The following GFPT2 variants were observed in gnomAD, a reference collection of about 807,000 sequenced individuals.
GFPT2 encodes the protein glutamine--fructose-6-phosphate aminotransferase [isomerizing] 2.
In GFPT2, 62 loss-of-function variants were observed where a neutral mutation model predicts 85.6. The observed-to-expected ratio is 0.72, with a 90% CI of 0.59 to 0.90. The LOEUF (loss-of-function observed/expected upper bound fraction) is 0.90, where lower values mean the gene tolerates loss of function less well. Among genes scored for constraint, GFPT2 ranks in the 40% least tolerant of loss-of-function variants. GFPT2 has a pLI of 0.00. For missense variants in GFPT2, 788 were observed against 893.4 expected, an observed-to-expected ratio of 0.88 and a Z score of 1.50; for synonymous variants, 368 against 344.5, an observed-to-expected ratio of 1.07 and a Z score of -0.75.
rs1318912610 is a variant in GFPT2 at position 180,318,669 on chromosome 5, C to T, written c.958+124G>A. The T allele has an allele frequency of 2.2e-5, 18 of 808,214 alleles. No individual in the cohort carries two copies. Among genetic ancestry groups the T allele is most frequent in the Non-Finnish European group, 3.0e-5 (15 of 503,524 alleles). 50.1% of individuals were successfully genotyped at this position (808,214 alleles called of 1,614,324 possible). On this transcript the variant is annotated intron_variant, in intron 10 of 18. Transcript: ENST00000253778. The surrounding 1 kb of genome is among the most constrained non-coding windows in gnomAD (Gnocchi z 4.2). Reference sequence around the variant, plus strand: ...GCAAGCCACAGGCTACCTGCAGCCCCGCCCTGGTGGCCACAGAGGGCAGGA... The same window carrying T: ...GCAAGCCACAGGCTACCTGCAGCCCTGCCCTGGTGGCCACAGAGGGCAGGA...
chr5:180,322,736 T>TAA (rs531478659), intron 9 of GFPT2, among the ~76,000 whole-genome samples: 2 of 151,868 alleles, frequency 1.3e-5, no homozygotes, highest in African/African-American at 2.4e-5. Context: ...GCCTTTTTTT[T>TAA]AAAAAAAAAG....
At position 180,304,834 on chromosome 5, in the gene GFPT2, T is replaced by G; in HGVS notation, c.1780A>C (p.Ile594Leu). 6.2e-7 allele frequency: 1 copy of G among 1,614,100 alleles called. No individual in the cohort carries two copies. The highest frequency in any genetic ancestry group is 8.5e-7 in the Non-Finnish European group (1 of 1,179,934). Residue 594 changes from isoleucine to leucine, a missense_variant, in exon 17 of 19, where the codon ATT becomes CTT. Transcript: ENST00000253778. Reference protein sequence around the residue: ...IDKQMPVIMVIMKDPCFAKCQ... With the variant: ...IDKQMPVIMVLMKDPCFAKCQ... ...TTGGCGAAGCAAGGATCCTTCATAA[T>G]GACCATGATGACGGGCATCTGCTTG...
intron 1 of GFPT2, among the ~76,000 whole-genome samples, chr5:180,351,200 C>T (rs919375874): frequency 2.6e-5 from 4 of 152,210 alleles, no homozygotes; most frequent in African/African-American, 9.7e-5. Context: ...CCATCATCCC[C>T]CCCAAACAGA....
rs745678250 is a variant in GFPT2, at chr5:180,307,231, G to A, written c.1619C>T (p.Ser540Leu). 11 of 1,612,908 alleles carry A rather than the reference G, an allele frequency of 6.8e-6. No individual in the cohort carries two copies. Among genetic ancestry groups the A allele is most frequent in the South Asian group, 2.2e-5 (2 of 90,830 alleles). Reference protein sequence around the residue: ...DLALELYTQRSLLVMGRGYNY... With the variant: ...DLALELYTQRLLLVMGRGYNY... ...GTAGCCCCGCCCCATCACCAGCAGC[G>A]ATCTCTGCGTGTAGAGCTCCAGGGC... The change falls in exon 16 of 19, where the codon TCG becomes TTG. Residue 540 changes from serine (S) to leucine (L), a missense_variant. Transcript: ENST00000253778.
intron 7 of GFPT2, among the ~76,000 whole-genome samples, chr5:180,325,531 G>C (rs1413407813): frequency 6.6e-6 from 1 of 152,218 alleles, no homozygotes; most frequent in Non-Finnish European, 1.5e-5. Context: ...ATCATAAAGA[G>C]GACAATAACT....
chr5:180,311,536 C>G (rs1438883665), intron 15 of GFPT2, among the ~76,000 whole-genome samples: 1 of 152,194 alleles, frequency 6.6e-6, no homozygotes, highest in African/African-American at 2.4e-5. Flanking sequence ...TGCCAAGGAG[C>G]GCCTGGCATA....
At chr5:180,331,189 C>T (rs563497311) in intron 5 of GFPT2, among the ~76,000 whole-genome samples, 58 of 152,340 alleles carry the variant, frequency 3.8e-4, no homozygotes, top group African/African-American at 5.3e-4. Context: ...GTCCCAACTC[C>T]GCCGGTATAC....
chr5:180,332,500 T>C (rs1381871282), intron 4 of GFPT2, among the ~76,000 whole-genome samples: 1 of 152,174 alleles, frequency 6.6e-6, no homozygotes, highest in Non-Finnish European at 1.5e-5. Context: ...TTGACTATTT[T>C]TTTCAAAGCA....
chr5:180,340,068 G>A (rs983431141), intron 1 of GFPT2, among the ~76,000 whole-genome samples: 40 of 152,308 alleles, frequency 2.6e-4, no homozygotes, highest in African/African-American at 8.9e-4. Flanking sequence ...TCTGGAGGCC[G>A]AGAAGTCCAA....
At chr5:180,343,400 A>T (rs1764556613) in intron 1 of GFPT2, among the ~76,000 whole-genome samples, 1 of 152,194 alleles carries the variant, frequency 6.6e-6, no homozygotes, top group African/African-American at 2.4e-5. Context: ...CTGTGTCCGT[A>T]CCCAGCCAGG....
chr5:180,306,187 G>C (rs1763774077), intron 16 of GFPT2, among the ~76,000 whole-genome samples: 1 of 152,056 alleles, frequency 6.6e-6, no homozygotes, highest in Non-Finnish European at 1.5e-5. Flanking sequence ...CTTTTACCAT[G>C]TTGTCCAGGC....
At chr5:180,341,957 T>C (rs1764524887) in intron 1 of GFPT2, among the ~76,000 whole-genome samples, 1 of 152,224 alleles carries the variant, frequency 6.6e-6, no homozygotes, top group Non-Finnish European at 1.5e-5. Context: ...AAATCTCATC[T>C]TGAATTGCAG....
chr5:180,317,737 C>T (rs1321364574), intron 10 of GFPT2, among the ~76,000 whole-genome samples: 7 of 86,014 alleles, frequency 8.1e-5, no homozygotes, highest in Admixed American at 1.4e-4. Context: ...CCAGCCTGGG[C>T]GACAGAGCAA....
At chr5:180,343,332 C>T (rs928604390) in intron 1 of GFPT2, among the ~76,000 whole-genome samples, 3 of 152,226 alleles carry the variant, frequency 2.0e-5, no homozygotes, top group South Asian at 4.1e-4. Flanking sequence ...TTCAGACCCA[C>T]GACAGCCTCC....
At chr5:180,302,062 A>G (rs7704535) in intron 18 of GFPT2, among the ~76,000 whole-genome samples, 21,664 of 80,274 alleles carry the variant, frequency 0.27, 3,928 homozygotes, top group East Asian at 0.51. Flanking sequence ...AGGCTGAGGC[A>G]GGTGGATCAC....
intron 2 of GFPT2, among the ~76,000 whole-genome samples, chr5:180,338,098 CTGAG>C (rs1164916866): frequency 6.6e-6 from 1 of 152,130 alleles, no homozygotes; most frequent in African/African-American, 2.4e-5. Context: ...GCACTCCAGC[CTGAG>C]TAACAAAAAT....
At chr5:180,340,309 C>T (rs568245958) in intron 1 of GFPT2, among the ~76,000 whole-genome samples, 5 of 151,930 alleles carry the variant, frequency 3.3e-5, no homozygotes, top group Non-Finnish European at 5.9e-5. Context: ...CGGGTTCAAG[C>T]GATTCTCTTG....
At position 180,320,194 on chromosome 5, in the gene GFPT2, G is replaced by A. The variant is rs1055931579; in HGVS notation, c.795-1238C>T. 1.6e-4 allele frequency among the ~76,000 whole-genome samples: 24 copies of A among 151,928 alleles called. No individual in the cohort carries two copies. The East Asian group carries it at 3.1e-3, about 20-fold the overall frequency. The stretch of plus-strand genomic sequence containing the variant: ...TTTTTAGGAGAGACGGGGTTTCACC[G>A]TGTTAGCCAGGATGGTCTCGATCTC... On this transcript the variant is annotated intron_variant, in intron 9 of 18. Transcript: ENST00000253778.
chr5:180,333,435 C>T (rs573421747), intron 4 of GFPT2, among the ~76,000 whole-genome samples: 42 of 152,192 alleles, frequency 2.8e-4, no homozygotes, highest in Non-Finnish European at 3.8e-4. Flanking sequence ...GGGGTTTCAC[C>T]GTGTTAGCCA....
Sources: gnomAD v4.1 joint callset for allele counts (sites outside exome capture counted in the v4.1 genomes callset) on GRCh38, gnomAD v4.1.1 for gene constraint, Gnocchi (gnomAD v3.1) non-coding constraint, MANE v1.5 for transcripts, NCBI Gene and HGNC (gene_info 2026-07-23, HGNC 2026-07-21) for gene names.